The following DNER variants were observed in gnomAD, a reference collection of about 807,000 sequenced individuals.
DNER encodes delta/notch like EGF repeat containing.
Under a neutral mutation model 78.2 loss-of-function variants are expected in DNER, and 33 were observed. That is an observed-to-expected ratio of 0.42 (90% confidence interval 0.32 to 0.56). DNER has a LOEUF of 0.56. Among genes scored for constraint, DNER ranks in the 20% least tolerant of loss-of-function variants. The pLI is 0.11. For missense variants in DNER, 918 were observed against 975.3 expected, an observed-to-expected ratio of 0.94 and a Z score of 0.78; for synonymous variants, 417 against 384.8, an observed-to-expected ratio of 1.08 and a Z score of -0.98.
At chr2:229,620,271 G>C (rs1157299028) in intron 1 of DNER, among the ~76,000 whole-genome samples, 2 of 152,180 alleles carry the variant, frequency 1.3e-5, no homozygotes, top group Non-Finnish European at 2.9e-5. Flanking sequence ...AAGCAATTAA[G>C]GAACTGTCAA....
intron 8 of DNER, among the ~76,000 whole-genome samples, chr2:229,424,440 C>T (rs891099662): frequency 6.6e-6 from 1 of 152,182 alleles, no homozygotes; most frequent in African/African-American, 2.4e-5. Flanking sequence ...CATGAAAATA[C>T]TATAGCACTG....
chr2:229,700,311 T>C (rs959997789), intron 1 of DNER, among the ~76,000 whole-genome samples: 1 of 150,776 alleles, frequency 6.6e-6, no homozygotes, highest in Non-Finnish European at 1.5e-5. Context: ...TGTGTGTGTG[T>C]GTGTGTGTAT....
chr2:229,668,070 G>A (rs1415913699), intron 1 of DNER, among the ~76,000 whole-genome samples: 1 of 152,150 alleles, frequency 6.6e-6, no homozygotes, highest in Non-Finnish European at 1.5e-5. Context: ...TCTTACTTCA[G>A]TGATACTTAA....
chr2:229,507,116 A>G (rs1303213906), intron 6 of DNER, among the ~76,000 whole-genome samples: 1 of 152,234 alleles, frequency 6.6e-6, no homozygotes, highest in African/African-American at 2.4e-5. Flanking sequence ...ACATAACTAA[A>G]CATAGAAAAG....
rs187350202 is a variant in DNER at position 229,672,439 on chromosome 2, G to C, written c.276+41709C>G. On this transcript the variant is annotated intron_variant, in intron 1 of 12. Transcript: ENST00000341772. ...GAGAGAGAGAAAGAGAGGAAAGGAG[G>C]GTGGTGAGGATAACTGAGAAAGAAA... Among the ~76,000 whole-genome samples the C allele has an allele frequency of 1.7e-3, 264 of 151,744 alleles. 1 individual carries two copies. The highest frequency in any genetic ancestry group is 6.1e-3 in the African/African-American group (253 of 41,344).
intron 6 of DNER, among the ~76,000 whole-genome samples, chr2:229,492,808 G>A (rs541304531): frequency 2.0e-4 from 30 of 152,152 alleles, no homozygotes; most frequent in African/African-American, 6.7e-4. Flanking sequence ...ACCTATGACT[G>A]CAGGCACATA....
At chr2:229,585,576 C>T (rs1697480092) in intron 4 of DNER, among the ~76,000 whole-genome samples, 1 of 151,682 alleles carries the variant, frequency 6.6e-6, no homozygotes, top group South Asian at 2.1e-4. Context: ...AGGAGAATCG[C>T]TTGAACTCAG....
intron 6 of DNER, among the ~76,000 whole-genome samples, chr2:229,509,227 C>A (rs570362844): frequency 6.6e-6 from 1 of 152,174 alleles, no homozygotes; most frequent in Admixed American, 6.5e-5. Flanking sequence ...AAATATCAAA[C>A]TGAAATCATG....
At chr2:229,497,465 A>C (rs922931069) in intron 6 of DNER, among the ~76,000 whole-genome samples, 1 of 152,102 alleles carries the variant, frequency 6.6e-6, no homozygotes, top group African/African-American at 2.4e-5. Flanking sequence ...AATAAACTAG[A>C]AACTAGAAAA....
chr2:229,410,283 A>G (rs1693481831), intron 9 of DNER, among the ~76,000 whole-genome samples: 1 of 152,204 alleles, frequency 6.6e-6, no homozygotes, highest in South Asian at 2.1e-4. Context: ...GTGCCAAATC[A>G]TAACTTATCT....
intron 5 of DNER, among the ~76,000 whole-genome samples, chr2:229,538,631 T>C (rs1696457051): frequency 6.6e-6 from 1 of 152,156 alleles, no homozygotes; most frequent in Non-Finnish European, 1.5e-5. Flanking sequence ...AGAACAAATT[T>C]TAAGTATATA....
chr2:229,556,020 G>C (rs899051530), intron 4 of DNER, among the ~76,000 whole-genome samples: 2 of 152,122 alleles, frequency 1.3e-5, no homozygotes, highest in African/African-American at 4.8e-5. Flanking sequence ...TACTTACTAA[G>C]CATTTAGACC....
intron 1 of DNER, among the ~76,000 whole-genome samples, chr2:229,696,231 A>G (rs1438596804): frequency 6.6e-6 from 1 of 152,212 alleles, no homozygotes; most frequent in African/African-American, 2.4e-5. Context: ...AACCAGCAAT[A>G]TAAGTGCTCT....
intron 1 of DNER, among the ~76,000 whole-genome samples, chr2:229,674,580 C>T (rs1224821514): frequency 6.6e-6 from 1 of 152,174 alleles, no homozygotes; most frequent in Non-Finnish European, 1.5e-5. Context: ...CGCCTGGCCC[C>T]TTGTTCTTAT....
intron 11 of DNER, among the ~76,000 whole-genome samples, chr2:229,386,320 T>A (rs1021012211): frequency 6.6e-6 from 1 of 151,898 alleles, no homozygotes; most frequent in African/African-American, 2.4e-5. Flanking sequence ...AAAAACTAAC[T>A]CAAGATGGAT....
chr2:229,434,387 C>T (rs1694077536), intron 8 of DNER, among the ~76,000 whole-genome samples: 1 of 152,194 alleles, frequency 6.6e-6, no homozygotes. Context: ...GGCCACTATC[C>T]CTAAGGGCTA....
intron 11 of DNER, among the ~76,000 whole-genome samples, chr2:229,376,881 C>T (rs73096282): frequency 7.2e-4 from 109 of 152,132 alleles, no homozygotes; most frequent in Middle Eastern, 3.4e-3. Flanking sequence ...AAATGAGAAC[C>T]AAAGAGCCAA....
intron 1 of DNER, among the ~76,000 whole-genome samples, chr2:229,653,286 G>A (rs1439297319): frequency 2.0e-5 from 3 of 152,182 alleles, no homozygotes; most frequent in Non-Finnish European, 4.4e-5. Flanking sequence ...GGAGAGTCGA[G>A]GCTGACACCT....
intron 12 of DNER, among the ~76,000 whole-genome samples, chr2:229,359,610 C>T (rs1692166247): frequency 6.6e-6 from 1 of 152,088 alleles, no homozygotes; most frequent in South Asian, 2.1e-4. Context: ...TTAAATTTTA[C>T]AAGGTTCCTA....
Sources: gnomAD v4.1 joint callset for allele counts (sites outside exome capture counted in the v4.1 genomes callset) on GRCh38, gnomAD v4.1.1 for gene constraint, MANE v1.5 for transcripts, NCBI Gene and HGNC (gene_info 2026-07-23, HGNC 2026-07-21) for gene names.